PEX5L: variants seen among roughly 807,000 people sequenced by gnomAD.
PEX5L encodes PEX5-related protein.
A neutral mutation model predicts 84.0 loss-of-function variants in PEX5L; 30 were observed. The observed-to-expected ratio is 0.36, with a 90% CI of 0.27 to 0.48. The LOEUF is 0.48. Among genes scored for constraint, PEX5L ranks in the 20% least tolerant of loss-of-function variants. The pLI, the probability that PEX5L is intolerant of heterozygous loss-of-function variation, is 0.99. For synonymous variants in PEX5L, 270 were observed against 283.1 expected (o/e 0.95, Z 0.46); for missense variants, 533 against 754.6 (o/e 0.71, Z 3.44).
chr3:179,841,235 G>A (rs748473242), intron 8 of PEX5L, among the ~76,000 whole-genome samples: 33 of 152,082 alleles, frequency 2.2e-4, no homozygotes, highest in African/African-American at 7.0e-4. Context: ...ACCAGCCCCC[G>A]CCCCAACCTG....
intron 1 of PEX5L, among the ~76,000 whole-genome samples, chr3:179,999,273 G>A (rs904930760): frequency 1.3e-5 from 2 of 152,176 alleles, no homozygotes; most frequent in Non-Finnish European, 2.9e-5. Flanking sequence ...CTCACCAATG[G>A]GTGACCTCAG....
Position 179,898,148 on chromosome 3 carries a change from T to A in PEX5L, c.192A>T (p.Thr64=), listed in dbSNP as rs1199640047. 2 of 1,605,298 alleles carry A rather than the reference T, an allele frequency of 1.2e-6. No homozygotes were observed. The highest frequency in any genetic ancestry group is 1.3e-5 in the African/African-American group (1 of 74,860). The change falls in exon 3 of 15, where the codon ACA becomes ACT. Residue 64 remains threonine (T), a synonymous_variant. Transcript: ENST00000467460. ...ACCCTATGGGTCTGCCCACCTGTGATGTCATAGTAAGGAGGGGCTTTTCTT... is the reference window on the plus strand; with the variant it reads ...ACCCTATGGGTCTGCCCACCTGTGAAGTCATAGTAAGGAGGGGCTTTTCTT... ...SAEEKPLLTM[T]SQLVNEQQES... is the part of the protein sequence containing the mutation.
rs751245329 is a variant in PEX5L at position 179,888,109 on chromosome 3, C to G, written c.199-325G>C. The stretch of plus-strand genomic sequence containing the variant: ...GAATCATAGTTGCTAAGGGCCAATC[C>G]CACTCCTCACCTGGACAAAAGCTCC... On this transcript the variant is annotated intron_variant, in intron 3 of 14. Transcript: ENST00000467460. 7.8e-6 allele frequency: 10 copies of G among 1,281,056 alleles called. No individual in the cohort carries two copies. The South Asian group carries it at 1.2e-4, about 16-fold the overall frequency. The allele number at this position is 1,281,056 out of a possible 1,614,324, so 79.4% of individuals were successfully genotyped here.
Position 179,954,202 on chromosome 3 carries a change from GTC to G in PEX5L, c.93+17390_93+17391del, listed in dbSNP as rs1165180148. The stretch of plus-strand genomic sequence containing the variant: ...GAACAAGCCCAGAAATTAACCATTA[GTC>G]GGGGGGGGGGGAAAAAGTCAGCCAT... On this transcript the variant is annotated intron_variant, in intron 2 of 14. Coordinates refer to ENST00000467460, the MANE Select transcript of PEX5L (RefSeq NM_016559.3). Among the ~76,000 whole-genome samples the G allele has an allele frequency of 4.5e-3, 630 of 141,522 alleles. 15 individuals carry two copies. Among genetic ancestry groups the G allele is most frequent in the African/African-American group, 0.017 (607 of 35,162 alleles). 92.8% of individuals were successfully genotyped at this position (141,522 alleles called of 152,430 possible).
chr3:179,976,048 A>G (rs954601949), intron 1 of PEX5L, among the ~76,000 whole-genome samples: 3 of 152,214 alleles, frequency 2.0e-5, no homozygotes, highest in Non-Finnish European at 2.9e-5. Flanking sequence ...AGGAGTGGAT[A>G]AGCTCACCAA....
chr3:179,937,321 T>C (rs946087321), intron 2 of PEX5L, among the ~76,000 whole-genome samples: 1 of 152,158 alleles, frequency 6.6e-6, no homozygotes, highest in Admixed American at 6.5e-5. Context: ...CACAGTAATG[T>C]AAGATGTTAA....
chr3:180,029,433 C>G (rs1579414963), intron 1 of PEX5L, among the ~76,000 whole-genome samples: 1 of 152,154 alleles, frequency 6.6e-6, no homozygotes, highest in Middle Eastern at 3.4e-3. Context: ...GTAAATAAAA[C>G]AAATAAATGT....
At chr3:179,955,719 T>TTATA (rs1560905064) in intron 2 of PEX5L, among the ~76,000 whole-genome samples, 1 of 152,170 alleles carries the variant, frequency 6.6e-6, no homozygotes, top group East Asian at 1.9e-4. Context: ...GAACTACGTA[T>TTATA]TATAATATAA....
At chr3:179,849,237 A>ATTGTATATAGATTGCT (rs1740822233) in intron 8 of PEX5L, among the ~76,000 whole-genome samples, 3 of 152,340 alleles carry the variant, frequency 2.0e-5, no homozygotes, top group African/African-American at 7.2e-5. Flanking sequence ...TGTATTTTGT[A>ATTGTATATAGATTGCT]ATTAATACAG....
chr3:179,840,474 C>A (rs568317563), intron 8 of PEX5L, among the ~76,000 whole-genome samples: 1 of 152,124 alleles, frequency 6.6e-6, no homozygotes, highest in East Asian at 1.9e-4. Context: ...CAGATGTGAC[C>A]CACCGTGCCC....
rs1281055236 is a variant in PEX5L at position 179,807,722 on chromosome 3, C to T, written c.1628G>A (p.Arg543Gln). 1.2e-6 allele frequency: 2 copies of T among 1,614,054 alleles called. No homozygotes were observed. The highest frequency in any genetic ancestry group is 1.7e-6 in the Non-Finnish European group (2 of 1,180,032). The part of the protein sequence containing the change: ...RALEIQPGFI[R>Q]SRYNLGISCI... ...GCTTATTCCTAGGTTGTATCTGGAC[C>T]GGATGAATCCTGGCTGAATCTCCAG... The change falls in exon 14 of 15, where the codon CGG (arginine) becomes CAG (glutamine). Residue 543 changes from arginine (R) to glutamine (Q), a missense_variant. Around this residue, in one of 8 missense-constraint regions of PEX5L, gnomAD observed 105 missense variants for 204.6 expected, o/e 0.51. Coordinates refer to ENST00000467460, the MANE Select transcript of PEX5L (RefSeq NM_016559.3).
chr3:180,005,429 T>TA lies in PEX5L; in HGVS notation c.21+31149dup, dbSNP rs563443152. ...TCATATGCCAACACACCTGGCTAAT[T>TA]AAAAAAATATTTTTGTAGGCTGGGC... On this transcript the variant is annotated intron_variant, in intron 1 of 14. Coordinates refer to ENST00000467460, the MANE Select transcript of PEX5L (RefSeq NM_016559.3). 2.4e-4 allele frequency among the ~76,000 whole-genome samples: 37 copies of TA among 152,218 alleles called. No homozygotes were observed. In the East Asian group the frequency reaches 6.6e-3, roughly 27 times the overall value.
At chr3:179,843,391 G>C (rs990303563) in intron 8 of PEX5L, among the ~76,000 whole-genome samples, 1 of 152,158 alleles carries the variant, frequency 6.6e-6, no homozygotes, top group African/African-American at 2.4e-5. Context: ...AATGGCAGCC[G>C]AATTTGGGTA....
intron 7 of PEX5L, among the ~76,000 whole-genome samples, chr3:179,872,927 A>AT (rs1435563798): frequency 2.4e-4 from 36 of 152,370 alleles, no homozygotes; most frequent in African/African-American, 8.7e-4. Flanking sequence ...CTACATTTTC[A>AT]TGCTACATTT....
rs746041190 is a variant in PEX5L, at chr3:179,887,805, G to T, written c.199-21C>A. 3.3e-6 allele frequency: 5 copies of T among 1,505,868 alleles called. No homozygotes were observed. In the East Asian group the frequency reaches 9.0e-5, roughly 27 times the overall value. The allele number at this position is 1,505,868 out of a possible 1,614,324, so 93.3% of individuals were successfully genotyped here. A position where few individuals can be genotyped will look rare whatever the true frequency, so the allele number is the denominator to read the frequency against. On this transcript the variant is annotated intron_variant, in intron 3 of 14. Transcript: ENST00000467460. ...ACCAGCTGAGAACAAATGAACAGAG[G>T]TGTCAAAGGGCTTTGTTAAACTGCA...
chr3:179,849,143 T>A (rs1473891010), intron 8 of PEX5L, among the ~76,000 whole-genome samples: 1 of 152,358 alleles, frequency 6.6e-6, no homozygotes, highest in Non-Finnish European at 1.5e-5. Flanking sequence ...CCCTAAGTAA[T>A]AAATGGACCT....
chr3:179,987,550 T>A (rs1016676690), intron 1 of PEX5L, among the ~76,000 whole-genome samples: 2 of 152,160 alleles, frequency 1.3e-5, no homozygotes, highest in Admixed American at 1.3e-4. Flanking sequence ...CTGAATGGCT[T>A]AGCTGCAGTT....
chr3:179,865,607 C>G (rs1342672914), intron 7 of PEX5L, among the ~76,000 whole-genome samples: 2 of 151,568 alleles, frequency 1.3e-5, no homozygotes, highest in African/African-American at 4.9e-5. Flanking sequence ...TTGCTTAGTA[C>G]TTACATAAAG....
chr3:180,015,470 C>T (rs1789862594), intron 1 of PEX5L, among the ~76,000 whole-genome samples: 1 of 152,154 alleles, frequency 6.6e-6, no homozygotes, highest in Non-Finnish European at 1.5e-5. Context: ...CTATTGAGGA[C>T]TCCATTCATG....
Sources: gnomAD v4.1 joint callset for allele counts (sites outside exome capture counted in the v4.1 genomes callset) on GRCh38, gnomAD v4.1.1 for gene constraint, gnomAD v4.1.1 regional missense constraint, MANE v1.5 for transcripts, NCBI Gene and HGNC (gene_info 2026-07-23, HGNC 2026-07-21) for gene names.